The following CHN1 variants were observed in gnomAD, a reference collection of about 807,000 sequenced individuals.
CHN1 encodes N-chimaerin.
CHN1 carries 37 observed loss-of-function variants against 59.5 expected under a neutral mutation model. That is an observed-to-expected ratio of 0.62 (90% CI 0.48 to 0.82). The LOEUF is 0.82. CHN1 is among the 40% of genes least tolerant of loss of function. CHN1 has a pLI of 0.00. For synonymous variants in CHN1, 206 were observed against 200.4 expected (o/e 1.03, Z -0.24); for missense variants, 469 against 571.0 (o/e 0.82, Z 1.82).
At chr2:174,945,120 C>T (rs985683321) in intron 2 of CHN1, 177 bp from the exon 3 acceptor site, 9 of 537,984 alleles carry the variant, frequency 1.7e-5, no homozygotes, top group Non-Finnish European at 3.0e-5. Context: ...AGTGAAAGCC[C>T]AGGAGCAATT....
At chr2:174,969,031 G>C (rs958545663) in intron 1 of CHN1, among the ~76,000 whole-genome samples, 1 of 152,092 alleles carries the variant, frequency 6.6e-6, no homozygotes, top group East Asian at 1.9e-4. Context: ...ACACTGTTTT[G>C]AATGTTATAA....
At chr2:174,822,212 C>CT (rs1409187752) in intron 8 of CHN1, among the ~76,000 whole-genome samples, 6 of 152,134 alleles carry the variant, frequency 3.9e-5, no homozygotes, top group Admixed American at 3.9e-4. Flanking sequence ...GAATATAATG[C>CT]TTTTAAGGAC....
At chr2:174,953,164 CAAAA>C (rs374222966) in intron 1 of CHN1, among the ~76,000 whole-genome samples, 1 of 90,570 alleles carries the variant, frequency 1.1e-5, no homozygotes. Flanking sequence ...TCCAAGGAAG[CAAAA>C]AAAAAAAAAA....
chr2:174,821,783 T>A (rs1392819627), intron 8 of CHN1: 1 of 444,776 alleles, frequency 2.2e-6, no homozygotes, highest in Non-Finnish European at 4.6e-6. Flanking sequence ...TCCAGAACTG[T>A]GAGAAATAAA....
chr2:174,903,829 G>A (rs967934797), intron 5 of CHN1, among the ~76,000 whole-genome samples: 2 of 150,716 alleles, frequency 1.3e-5, no homozygotes, highest in East Asian at 1.9e-4. Flanking sequence ...TTGAGACTAC[G>A]GGGGTGGAAA....
chr2:174,990,730 C>T (rs375505087), intron 1 of CHN1, among the ~76,000 whole-genome samples: 72 of 152,264 alleles, frequency 4.7e-4, no homozygotes, highest in East Asian at 2.5e-3. Flanking sequence ...CAGGAATATA[C>T]AATAACTTTA....
At chr2:174,900,303 G>A (rs368028144) in intron 5 of CHN1, among the ~76,000 whole-genome samples, 2 of 152,272 alleles carry the variant, frequency 1.3e-5, no homozygotes, top group South Asian at 2.1e-4. Flanking sequence ...GAGAAGGCTA[G>A]GAGTTCAAGA....
intron 10 of CHN1, 121 bp downstream of exon 10, chr2:174,811,390 A>T (rs902618885): frequency 1.7e-6 from 1 of 598,466 alleles, no homozygotes; most frequent in African/African-American, 1.9e-5. Context: ...AAGTTTTTTA[A>T]TTTGGTATAA....
chr2:174,935,457 A>G (rs1689470125), intron 3 of CHN1, among the ~76,000 whole-genome samples: 1 of 152,238 alleles, frequency 6.6e-6, no homozygotes, highest in African/African-American at 2.4e-5. Context: ...TGAAAAATAA[A>G]TTACACAAAG....
intron 1 of CHN1, among the ~76,000 whole-genome samples, chr2:174,980,699 T>C (rs897301870): frequency 3.3e-5 from 5 of 152,172 alleles, no homozygotes; most frequent in African/African-American, 4.8e-5. Context: ...TAATTAGCAG[T>C]AGACATCTAA....
chr2:174,865,315 G>T (rs746509363), intron 6 of CHN1, among the ~76,000 whole-genome samples: 1 of 152,082 alleles, frequency 6.6e-6, no homozygotes, highest in Non-Finnish European at 1.5e-5. Flanking sequence ...CTACTTAAAA[G>T]ATAGTGATCT....
At chr2:174,803,296 A>G (rs1224011392) in intron 11 of CHN1, among the ~76,000 whole-genome samples, 1 of 152,204 alleles carries the variant, frequency 6.6e-6, no homozygotes, top group Non-Finnish European at 1.5e-5. Flanking sequence ...AATTTCAGAA[A>G]CTGAACAATG....
At chr2:174,917,278 C>A (rs1181063769) in intron 4 of CHN1, among the ~76,000 whole-genome samples, 1 of 151,948 alleles carries the variant, frequency 6.6e-6, no homozygotes, top group African/African-American at 2.4e-5. Context: ...CCTAAAAATA[C>A]AAAAAATTAA....
intron 5 of CHN1, among the ~76,000 whole-genome samples, chr2:174,910,481 AAGATCCTAATTTT>A (rs1688663619): frequency 6.6e-6 from 1 of 152,158 alleles, no homozygotes; most frequent in South Asian, 2.1e-4. Context: ...AAATAATAGT[AAGATCCTAATTTT>A]AGGCTATAGT....
chr2:174,853,036 G>C (rs1354441504), intron 6 of CHN1, among the ~76,000 whole-genome samples: 3 of 152,024 alleles, frequency 2.0e-5, no homozygotes, highest in African/African-American at 4.8e-5. Context: ...TCAACTTTGG[G>C]AAAGAATTTT....
At chr2:174,894,095 CAA>C (rs1341063449) in intron 5 of CHN1, among the ~76,000 whole-genome samples, 9 of 151,578 alleles carry the variant, frequency 5.9e-5, no homozygotes, top group Non-Finnish European at 1.2e-4. Context: ...GCACAAGTAA[CAA>C]GAGCAAAAAC....
At chr2:174,997,201 T>C (rs1028468758) in intron 1 of CHN1, among the ~76,000 whole-genome samples, 1 of 152,196 alleles carries the variant, frequency 6.6e-6, no homozygotes, top group Non-Finnish European at 1.5e-5. Flanking sequence ...GGCAAAATTA[T>C]AGAACAGTAC....
chr2:174,903,677 T>C, intron 5 of CHN1, among the ~76,000 whole-genome samples: 1 of 152,208 alleles, frequency 6.6e-6, no homozygotes, highest in Non-Finnish European at 1.5e-5. Flanking sequence ...TTATAAAGAA[T>C]TATTGCTGTT....
chr2:174,886,349 A>C (rs76426075), intron 5 of CHN1, among the ~76,000 whole-genome samples: 7 of 152,212 alleles, frequency 4.6e-5, no homozygotes, highest in Admixed American at 3.9e-4. Flanking sequence ...GAATACAGAA[A>C]TATCCCAAAG....
Sources: allele counts gnomAD v4.1 joint callset (sites outside exome capture counted in the v4.1 genomes callset), GRCh38; gene constraint gnomAD v4.1.1; transcripts MANE v1.5; gene names NCBI Gene and HGNC (gene_info 2026-07-23, HGNC 2026-07-21).